KIF15: variants seen among roughly 807,000 people sequenced by gnomAD.
KIF15 encodes kinesin-like protein KIF15.
In KIF15, 140 loss-of-function variants were observed where a neutral mutation model predicts 190.6. The observed-to-expected ratio is 0.73, with a 90% CI of 0.64 to 0.84. The LOEUF (loss-of-function observed/expected upper bound fraction) is 0.84, where lower values mean the gene tolerates loss of function less well. KIF15 is among the 40% of genes least tolerant of loss of function. The probability of loss-of-function intolerance (pLI) is 0.00; values close to 1 mark genes in which losing one functional copy is unlikely to be tolerated. For missense variants in KIF15, 1,372 were observed against 1,584.4 expected (o/e 0.87, Z 2.28); for synonymous variants, 528 against 551.3 (o/e 0.96, Z 0.59).
At position 44,805,117 on chromosome 3, in the gene KIF15, C is replaced by T; in HGVS notation, c.1778C>T (p.Thr593Ile). The part of the protein sequence containing the change: ...KLKAQLLQIQ[T>I]ELNNSKQEYE... ...AAAGCACAACTCCTGCAAATTCAGACAGAGCTGAATAATTCAAAGCAAGAA... is the reference window on the plus strand; with the variant it reads ...AAAGCACAACTCCTGCAAATTCAGATAGAGCTGAATAATTCAAAGCAAGAA... The change falls in exon 15 of 35, where the codon ACA becomes ATA. Residue 593 changes from threonine to isoleucine, a missense_variant. Coordinates refer to ENST00000326047, the MANE Select transcript of KIF15 (RefSeq NM_020242.3). 1.2e-6 allele frequency: 2 copies of T among 1,613,468 alleles called. No homozygotes were observed. Among genetic ancestry groups the T allele is most frequent in the African/African-American group, 1.3e-5 (1 of 75,002 alleles).
chr3:44,775,906 C>T (rs955187494), intron 3 of KIF15, among the ~76,000 whole-genome samples: 3 of 151,548 alleles, frequency 2.0e-5, no homozygotes, highest in Non-Finnish European at 4.4e-5. Flanking sequence ...CAGTGAAACC[C>T]CGTCTATACT....
At chr3:44,835,137 T>C (rs1321956751) in intron 26 of KIF15, among the ~76,000 whole-genome samples, 2 of 151,948 alleles carry the variant, frequency 1.3e-5, no homozygotes, top group Non-Finnish European at 2.9e-5. Context: ...ACAAGCAACA[T>C]GAAAAGAGAC....
At position 44,805,954 on chromosome 3, in the gene KIF15, C is replaced by T. The variant is rs778020265; in HGVS notation, c.1939C>T (p.Gln647Ter). Residue 647 changes from glutamine (Q) to a stop codon, truncating the protein, a stop_gained, in exon 16 of 35, where the codon CAG becomes TAG. Transcript: ENST00000326047. LOFTEE classifies it high-confidence loss of function. ...TKACKRQEVS[Q>*]LNKIHAETLK... is the part of the protein sequence containing the mutation. Reference sequence around the variant, plus strand: ...AGCCTGCAAGCGGCAAGAAGTTTCTCAGCTGAATAAAATTCATGCTGAAAC... The same window carrying T: ...AGCCTGCAAGCGGCAAGAAGTTTCTTAGCTGAATAAAATTCATGCTGAAAC... 11 of 1,614,078 alleles carry T rather than the reference C, an allele frequency of 6.8e-6. No homozygotes were observed. The South Asian group carries it at 8.8e-5, about 13-fold the overall frequency.
chr3:44,829,518 T>TCATATGTATATAATATGTATATATTA (rs1697881674), intron 24 of KIF15, among the ~76,000 whole-genome samples: 1 of 86,626 alleles, frequency 1.2e-5, no homozygotes, highest in Non-Finnish European at 2.2e-5. Context: ...CGCATATATA[T>TCATATGTATATAATATGTATATATTA]TATATGTATA....
intron 16 of KIF15, among the ~76,000 whole-genome samples, chr3:44,807,504 G>A (rs1707568912): frequency 1.3e-5 from 2 of 152,152 alleles, no homozygotes; most frequent in East Asian, 1.9e-4. Context: ...GATTATAGGT[G>A]TGAGCCACCG....
intron 5 of KIF15, among the ~76,000 whole-genome samples, chr3:44,781,133 G>A (rs892944746): frequency 2.0e-5 from 3 of 152,168 alleles, no homozygotes; most frequent in African/African-American, 7.2e-5. Flanking sequence ...TCAATGCCTG[G>A]CACAGAGTGG....
chr3:44,795,086 A>G (rs939143549), intron 8 of KIF15, among the ~76,000 whole-genome samples: 2 of 152,232 alleles, frequency 1.3e-5, no homozygotes, highest in Admixed American at 1.3e-4. Context: ...TTTGTGGAAC[A>G]GTGAACATAG....
intron 26 of KIF15, among the ~76,000 whole-genome samples, chr3:44,836,747 G>A (rs866695963): frequency 6.6e-6 from 1 of 152,338 alleles, no homozygotes; most frequent in Middle Eastern, 3.4e-3. Context: ...GAGTCAAGGA[G>A]TATTGCCAGC....
intron 20 of KIF15, among the ~76,000 whole-genome samples, chr3:44,818,894 G>A (rs1372423168): frequency 6.6e-6 from 1 of 152,110 alleles, no homozygotes; most frequent in African/African-American, 2.4e-5. Context: ...TGGTTGCTAG[G>A]CTATTAATTA....
At chr3:44,780,355 A>T (rs1706108513) in intron 4 of KIF15, among the ~76,000 whole-genome samples, 1 of 152,176 alleles carries the variant, frequency 6.6e-6, no homozygotes, top group South Asian at 2.1e-4. Flanking sequence ...TATTTAAATG[A>T]AGAGATTTTA....
At chr3:44,849,182 T>G (rs1167021857) in intron 32 of KIF15, among the ~76,000 whole-genome samples, 2 of 152,220 alleles carry the variant, frequency 1.3e-5, no homozygotes, top group African/African-American at 2.4e-5. Context: ...ACATTTTTGC[T>G]TATTATACTG....
In KIF15 at chr3:44,852,806, T is replaced by G. The variant is rs1050607272; in HGVS notation, c.*71T>G. 3 of 1,250,906 alleles carry G rather than the reference T, an allele frequency of 2.4e-6. No individual in the cohort carries two copies. In the African/African-American group the frequency reaches 4.6e-5, roughly 19 times the overall value. 77.5% of individuals were successfully genotyped at this position (1,250,906 alleles called of 1,614,324 possible). ...CTTCTCTTTTACAAGTAAGACCTACTCCTGGCCACTTAGGAGAGCTGAATT... is the reference window on the plus strand; with the variant it reads ...CTTCTCTTTTACAAGTAAGACCTACGCCTGGCCACTTAGGAGAGCTGAATT... On this transcript the variant is annotated 3_prime_UTR_variant, in exon 35 of 35. Transcript: ENST00000326047.
intron 6 of KIF15, among the ~76,000 whole-genome samples, chr3:44,859,920 T>C (rs929252232): frequency 6.6e-6 from 1 of 152,174 alleles, no homozygotes; most frequent in African/African-American, 2.4e-5. Context: ...AGGAGTTTCT[T>C]AGAGGCAGAA....
intron 20 of KIF15, among the ~76,000 whole-genome samples, chr3:44,816,997 A>G (rs1333208815): frequency 1.3e-5 from 2 of 151,392 alleles, no homozygotes; most frequent in Admixed American, 6.6e-5. Flanking sequence ...AGTGATGATG[A>G]GCATTTTTTT....
intron 20 of KIF15, among the ~76,000 whole-genome samples, chr3:44,817,969 G>C (rs972081180): frequency 6.6e-6 from 1 of 152,162 alleles, no homozygotes; most frequent in African/African-American, 2.4e-5. Context: ...TCCCTTGTAA[G>C]TTGGATTCCT....
chr3:44,763,615 CTA>C (rs1575565386), intron 1 of KIF15, among the ~76,000 whole-genome samples: 7 of 151,676 alleles, frequency 4.6e-5, no homozygotes, highest in Admixed American at 6.6e-5. Flanking sequence ...AAGGCTATCT[CTA>C]GTGACATCAT....
chr3:44,774,370 C>T (rs751660324), intron 1 of KIF15, 25 bp from the exon 2 acceptor site: 2 of 1,605,044 alleles, frequency 1.2e-6, no homozygotes, highest in Non-Finnish European at 1.7e-6. Flanking sequence ...TTTAAATGAC[C>T]TTTAATAACT....
chr3:44,864,137 A>AG (rs1699293782), intron 6 of KIF15: 1 of 1,606,768 alleles, frequency 6.2e-7, no homozygotes, highest in South Asian at 1.1e-5. Context: ...GTGTGCTTTG[A>AG]GGGGGTCTGC....
intron 16 of KIF15, among the ~76,000 whole-genome samples, chr3:44,807,349 C>T (rs1003988073): frequency 1.3e-5 from 2 of 151,952 alleles, no homozygotes; most frequent in African/African-American, 4.8e-5. Flanking sequence ...CTCTGCCTCC[C>T]GAGTAGTTGG....
Sources: allele counts gnomAD v4.1 joint callset (sites outside exome capture counted in the v4.1 genomes callset), GRCh38; gene constraint gnomAD v4.1.1; transcripts MANE v1.5; gene names NCBI Gene and HGNC (gene_info 2026-07-23, HGNC 2026-07-21).